Variants in CATSPERE observed in about 807,000 individuals in gnomAD.
CATSPERE encodes the protein cation channel sperm-associated auxiliary subunit epsilon.
CATSPERE carries 93 observed loss-of-function variants against 114.1 expected under a neutral mutation model. The ratio of observed to expected loss-of-function variants is 0.81; its 90% CI spans 0.69 to 0.97. CATSPERE has a LOEUF of 0.97. Among genes scored for constraint, CATSPERE ranks in the 50% least tolerant of loss-of-function variants. CATSPERE has a pLI of 0.00. For synonymous variants in CATSPERE, 341 were observed against 384.1 expected, an observed-to-expected ratio of 0.89 and a Z score of 1.31; for missense variants, 1,058 against 1,131.6, an observed-to-expected ratio of 0.93 and a Z score of 0.93.
At chr1:244,474,441 A>G (rs533500331) in intron 2 of CATSPERE, among the ~76,000 whole-genome samples, 2 of 152,062 alleles carry the variant, frequency 1.3e-5, no homozygotes, top group African/African-American at 4.8e-5. Context: ...TTCTATGTTC[A>G]TTCCAATTTT....
chr1:244,590,229 G>C (rs878987487), intron 14 of CATSPERE, among the ~76,000 whole-genome samples: 1 of 152,160 alleles, frequency 6.6e-6, no homozygotes, highest in Non-Finnish European at 1.5e-5. Flanking sequence ...ATAGCCTTCT[G>C]TCTTATGAAC....
chr1:244,590,655 A>G (rs932678482), intron 14 of CATSPERE, among the ~76,000 whole-genome samples: 4 of 152,142 alleles, frequency 2.6e-5, no homozygotes, highest in African/African-American at 9.7e-5. Flanking sequence ...ATCTCTATGG[A>G]TTTGCCTGCT....
chr1:244,595,618 C>T (rs764410618), intron 17 of CATSPERE, among the ~76,000 whole-genome samples: 28 of 152,270 alleles, frequency 1.8e-4, no homozygotes, highest in Admixed American at 4.6e-4. Context: ...TCAAGTCTTA[C>T]GGTGGAGTGG....
chr1:244,580,729 T>C lies in CATSPERE; in HGVS notation c.1951-1067T>C, dbSNP rs116085063. Among the ~76,000 whole-genome samples, 332 of 152,112 alleles carry C rather than the reference T, an allele frequency of 2.2e-3. 4 individuals carry two copies. Among genetic ancestry groups the C allele is most frequent in the African/African-American group, 7.7e-3 (318 of 41,522 alleles). On this transcript the variant is annotated intron_variant, in intron 11 of 21. Transcript: ENST00000366534. ...AATTTCCTTACTTTTCGGCCAGGCA[T>C]AGTGGCTCACACCTGAATCCCAGCA...
chr1:244,494,609 A>AAG (rs1672804920), intron 6 of CATSPERE, among the ~76,000 whole-genome samples: 1 of 152,156 alleles, frequency 6.6e-6, no homozygotes, highest in Admixed American at 6.6e-5. Context: ...TAATAAAAAA[A>AAG]AAAAGTATGA....
At chr1:244,636,464 A>G (rs1372455295) in intron 21 of CATSPERE, 2 of 152,220 alleles carry the variant, frequency 1.3e-5, no homozygotes, top group East Asian at 1.9e-4. Context: ...TTGTTTCTAC[A>G]TAACTTTGGG....
intron 5 of CATSPERE, among the ~76,000 whole-genome samples, chr1:244,483,101 A>T (rs1558340542): frequency 6.6e-6 from 1 of 152,236 alleles, no homozygotes; most frequent in Non-Finnish European, 1.5e-5. Flanking sequence ...ACTACAAATG[A>T]TGCTGTGAAT....
intron 7 of CATSPERE, among the ~76,000 whole-genome samples, chr1:244,503,049 C>T (rs1674313759): frequency 6.6e-6 from 1 of 152,094 alleles, no homozygotes; most frequent in South Asian, 2.1e-4. Flanking sequence ...GAAAATGATG[C>T]TTGAGTTGAT....
chr1:244,477,390 G>C (rs1669543394), intron 2 of CATSPERE, 151 bp from the exon 3 acceptor site: 3 of 560,940 alleles, frequency 5.3e-6, no homozygotes, highest in Non-Finnish European at 9.6e-6. Context: ...CCTTTTCTTT[G>C]TCACATTACT....
intron 10 of CATSPERE, among the ~76,000 whole-genome samples, 167 bp downstream of exon 10, chr1:244,561,312 T>C (rs553508368): frequency 1.2e-4 from 19 of 152,350 alleles, no homozygotes; most frequent in African/African-American, 4.3e-4. Flanking sequence ...TAATGTTAAC[T>C]ATGATCTCAC....
chr1:244,547,214 A>T (rs1572686382), intron 8 of CATSPERE, among the ~76,000 whole-genome samples: 1 of 151,042 alleles, frequency 6.6e-6, no homozygotes, highest in African/African-American at 2.4e-5. Context: ...AAAAATGCCA[A>T]CCAAGAATAC....
At chr1:244,588,611 G>T in intron 14 of CATSPERE, 77 bp downstream of exon 14, 2 of 1,082,282 alleles carry the variant, frequency 1.8e-6, no homozygotes, top group Non-Finnish European at 2.9e-6. Flanking sequence ...AACTGCTAGT[G>T]ATAATAGCCT....
At chr1:244,537,372 T>A (rs2148442737) in intron 8 of CATSPERE, among the ~76,000 whole-genome samples, 1 of 152,324 alleles carries the variant, frequency 6.6e-6, no homozygotes, top group African/African-American at 2.4e-5. Flanking sequence ...GGAGTAAATC[T>A]CATTTAGTCA....
At chr1:244,608,877 A>G (rs35721510) in intron 18 of CATSPERE, among the ~76,000 whole-genome samples, 15,882 of 151,976 alleles carry the variant, frequency 0.1, 1,161 homozygotes, top group East Asian at 0.27. Context: ...TGCTTTATCC[A>G]TGCCTGTGTC....
chr1:244,465,992 C>A (rs1184988801), intron 2 of CATSPERE, among the ~76,000 whole-genome samples: 1 of 152,138 alleles, frequency 6.6e-6, no homozygotes, highest in Non-Finnish European at 1.5e-5. Flanking sequence ...ACTAAGTATT[C>A]ATTGGTTCCT....
intron 1 of CATSPERE, among the ~76,000 whole-genome samples, chr1:244,463,594 T>G (rs1055480074): frequency 6.6e-6 from 1 of 151,464 alleles, no homozygotes; most frequent in African/African-American, 2.4e-5. Context: ...TTACTTTAAC[T>G]CTTTATAAGT....
At chr1:244,489,450 ATTTTTTTTTTTTTTTTTTT>A (rs10524749) in intron 5 of CATSPERE, among the ~76,000 whole-genome samples, 1 of 85,542 alleles carries the variant, frequency 1.2e-5, no homozygotes, top group Non-Finnish European at 2.1e-5. Context: ...AAGCATGCAG[ATTTTTTTTTTTTTTTTTTT>A]TTTTTTTTTT....
intron 8 of CATSPERE, among the ~76,000 whole-genome samples, chr1:244,520,684 C>A (rs748171751): frequency 6.6e-6 from 1 of 152,068 alleles, no homozygotes; most frequent in Non-Finnish European, 1.5e-5. Context: ...GACCCAGGAC[C>A]CCTGCCAAGG....
intron 2 of CATSPERE, among the ~76,000 whole-genome samples, chr1:244,468,683 C>T (rs974824631): frequency 5.3e-5 from 8 of 152,100 alleles, no homozygotes; most frequent in African/African-American, 1.9e-4. Context: ...CTTTGGGAGG[C>T]CAAGGCAGGT....
Sources: gnomAD v4.1 joint callset for allele counts (sites outside exome capture counted in the v4.1 genomes callset) on GRCh38, gnomAD v4.1.1 for gene constraint, MANE v1.5 for transcripts, NCBI Gene and HGNC (gene_info 2026-07-23, HGNC 2026-07-21) for gene names.